Variants in GUCA1A observed in about 807,000 individuals in gnomAD.
The protein encoded by GUCA1A is guanylate cyclase activator 1A.
In GUCA1A, 14 loss-of-function variants were observed where a neutral mutation model predicts 18.5. That is an observed-to-expected ratio of 0.76 (90% CI 0.50 to 1.18). The LOEUF (loss-of-function observed/expected upper bound fraction) is 1.18, where lower values mean the gene tolerates loss of function less well. GUCA1A is among the 50% of genes most tolerant of loss of function. The probability of loss-of-function intolerance (pLI) is 0.00; values close to 1 mark genes in which losing one functional copy is unlikely to be tolerated. For synonymous variants in GUCA1A, 97 were observed against 100.2 expected, an observed-to-expected ratio of 0.97 and a Z score of 0.19; for missense variants, 264 against 262.4, an observed-to-expected ratio of 1.01 and a Z score of -0.04.
Position 42,179,336 on chromosome 6 carries a change from T to G in GUCA1A, c.539T>G (p.Val180Gly). 1 of 1,613,746 alleles carries G rather than the reference T, an allele frequency of 6.2e-7. No homozygotes were observed. The highest frequency in any genetic ancestry group is 8.5e-7 in the Non-Finnish European group (1 of 1,179,760). ...LTRSLDLTRI[V>G]RRLQNGEQDE... ...CGAAGCCTGGACCTTACCCGCATCGTGCGCAGGCTCCAGAATGGCGAGCAA... is the reference window on the plus strand; with the variant it reads ...CGAAGCCTGGACCTTACCCGCATCGGGCGCAGGCTCCAGAATGGCGAGCAA... Residue 180 changes from valine (V) to glycine (G), a missense_variant, in exon 4 of 4, where the codon GTG (valine) becomes GGG (glycine). Val to Gly is a moderately radical substitution (Grantham distance 109). Coordinates refer to ENST00000372958, the MANE Select transcript of GUCA1A (RefSeq NM_001384910.1).
intron 1 of GUCA1A, 34 bp from the exon 2 acceptor site, chr6:42,178,246 G>A (rs372354947): frequency 5.6e-6 from 9 of 1,612,092 alleles, no homozygotes; most frequent in African/African-American, 5.3e-5. Context: ...AGCGGGGCCC[G>A]GATGGGCTCA....
At chr6:42,177,922 C>G (rs915068069) in intron 1 of GUCA1A, among the ~76,000 whole-genome samples, 2 of 152,242 alleles carry the variant, frequency 1.3e-5, no homozygotes, top group Non-Finnish European at 2.9e-5. Flanking sequence ...TCCCATTTCC[C>G]CTAACTGGAA....
rs368211518 is a variant in GUCA1A at position 42,176,016 on chromosome 6, G to C, written c.201+2202G>C. Among the ~76,000 whole-genome samples, 8 of 152,208 alleles carry C rather than the reference G, an allele frequency of 5.3e-5. No individual in the cohort carries two copies. The East Asian group carries it at 1.4e-3, about 26-fold the overall frequency. On this transcript the variant is annotated intron_variant, in intron 1 of 3. Transcript: ENST00000372958. Reference sequence around the variant, plus strand: ...AAGCACCTGTCGTCTTCCAATACCAGATTTAAATAACATTTCACCATTACG... The same window carrying C: ...AAGCACCTGTCGTCTTCCAATACCACATTTAAATAACATTTCACCATTACG...
intron 1 of GUCA1A, 87 bp downstream of exon 1, chr6:42,173,901 AG>A: frequency 2.0e-6 from 2 of 1,001,696 alleles, no homozygotes; most frequent in Non-Finnish European, 1.6e-6. Context: ...AAGAGCAGAG[AG>A]GAGCATAGAA....
intron 1 of GUCA1A, among the ~76,000 whole-genome samples, chr6:42,176,017 AT>A (rs1490503015): frequency 6.6e-6 from 1 of 152,106 alleles, no homozygotes. Context: ...CCAATACCAG[AT>A]TTAAATAACA....
rs200530963 is a variant in GUCA1A at position 42,178,750 on chromosome 6, G to C, written c.352-52G>C. On this transcript the variant is annotated intron_variant, in intron 2 of 3. Coordinates refer to ENST00000372958, the MANE Select transcript of GUCA1A (RefSeq NM_001384910.1). ...TCTGACCGTCCCCAATCCTACCCCTGAGATAGGATAAGGATGGGCCCCTCT... is the reference window on the plus strand; with the variant it reads ...TCTGACCGTCCCCAATCCTACCCCTCAGATAGGATAAGGATGGGCCCCTCT... The C allele has an allele frequency of 3.6e-5, 50 of 1,377,644 alleles. No homozygotes were observed. The East Asian group carries it at 9.4e-4, about 26-fold the overall frequency. 85.3% of individuals were successfully genotyped at this position (1,377,644 alleles called of 1,614,324 possible). A position where few individuals can be genotyped will look rare whatever the true frequency, so the allele number is the denominator to read the frequency against.
chr6:42,174,669 C>T (rs757035274), intron 1 of GUCA1A, among the ~76,000 whole-genome samples: 1 of 152,162 alleles, frequency 6.6e-6, no homozygotes, highest in Non-Finnish European at 1.5e-5. Context: ...TTCATGATGC[C>T]GTGGATGTTG....
intron 3 of GUCA1A, 23 bp from the exon 4 acceptor site, chr6:42,179,220 G>GGGGA: frequency 1.9e-6 from 3 of 1,610,472 alleles, no homozygotes; most frequent in Non-Finnish European, 2.5e-6. Context: ...TCCTCCCCCT[G>GGGGA]ATTCCCTTTC....
At position 42,178,264 on chromosome 6, in the gene GUCA1A, C is replaced by G. The variant is rs114521772; in HGVS notation, c.202-16C>G. Reference sequence around the variant, plus strand: ...GGGGCCCGGATGGGCTCACGGCGGCCGCGCCCCTCGCCCAGGACGGCTACA... The same window carrying G: ...GGGGCCCGGATGGGCTCACGGCGGCGGCGCCCCTCGCCCAGGACGGCTACA... On this transcript the variant is annotated splice_polypyrimidine_tract_variant and intron_variant, in intron 1 of 3. Coordinates refer to ENST00000372958, the MANE Select transcript of GUCA1A (RefSeq NM_001384910.1). 6.2e-7 allele frequency: 1 copy of G among 1,612,818 alleles called. No homozygotes were observed. Among genetic ancestry groups the G allele is most frequent in the Admixed American group, 1.7e-5 (1 of 60,022 alleles).
At chr6:42,176,288 C>T (rs2113835785) in intron 1 of GUCA1A, among the ~76,000 whole-genome samples, 1 of 150,686 alleles carries the variant, frequency 6.6e-6, no homozygotes, top group Non-Finnish European at 1.5e-5. Context: ...CCCAACCTGC[C>T]TCATCTACAC....
intron 1 of GUCA1A, among the ~76,000 whole-genome samples, chr6:42,176,772 C>G (rs1441913681): frequency 6.6e-6 from 1 of 152,166 alleles, no homozygotes; most frequent in South Asian, 2.1e-4. Flanking sequence ...CAGGGACAGG[C>G]AAATGACAGC....
At position 42,179,507 on chromosome 6, in the gene GUCA1A, G is replaced by C; in HGVS notation, c.*104G>C. 1 of 990,508 alleles carries C rather than the reference G, an allele frequency of 1.0e-6. No individual in the cohort carries two copies. Among genetic ancestry groups the C allele is most frequent in the African/African-American group, 1.6e-5 (1 of 61,534 alleles). 61.4% of individuals were successfully genotyped at this position (990,508 alleles called of 1,614,324 possible). ...TAGATAGAATCTAATGAACTCAGAG[G>C]CTTAGCTCGCCTCTTTAGGGTCCAT... On this transcript the variant is annotated 3_prime_UTR_variant, in exon 4 of 4. Coordinates refer to ENST00000372958, the MANE Select transcript of GUCA1A (RefSeq NM_001384910.1).
chr6:42,173,432 C>A lies in GUCA1A; in HGVS notation c.-182C>A. The A allele has an allele frequency of 1.5e-6, 1 of 645,800 alleles. No individual in the cohort carries two copies. The allele number at this position is 645,800 out of a possible 1,614,324, so 40.0% of individuals were successfully genotyped here. On this transcript the variant is annotated 5_prime_UTR_variant, in exon 1 of 4. It adds an upstream start codon to the 5' untranslated region. Coordinates refer to ENST00000372958, the MANE Select transcript of GUCA1A (RefSeq NM_001384910.1). The stretch of plus-strand genomic sequence containing the variant: ...AGTGTGGGCCATCATCTTCTTCCTT[C>A]TGCTCTCTCCCTCTCCACATTTCCC...
chr6:42,178,936 C>A lies in GUCA1A; in HGVS notation c.445+41C>A, dbSNP rs374953002. On this transcript the variant is annotated intron_variant, in intron 3 of 3. Coordinates refer to ENST00000372958, the MANE Select transcript of GUCA1A (RefSeq NM_001384910.1). ...AGGGGCTCCCCAGCGGAGGGGTCAC[C>A]ATGGATGTGGGGTCACCAGGGGTGG... The A allele has an allele frequency of 2.1e-5, 30 of 1,451,322 alleles. No individual in the cohort carries two copies. The African/African-American group carries it at 4.0e-4, about 20-fold the overall frequency. The allele number at this position is 1,451,322 out of a possible 1,614,324, so 89.9% of individuals were successfully genotyped here. A position where few individuals can be genotyped will look rare whatever the true frequency, so the allele number is the denominator to read the frequency against.
At chr6:42,178,223 T>TGAGGCTGGAGTGAGCGGGGCCC (rs1178223000) in intron 1 of GUCA1A, 57 bp from the exon 2 acceptor site, 2 of 1,601,602 alleles carry the variant, frequency 1.2e-6, no homozygotes, top group Admixed American at 1.7e-5. Context: ...GGGCGGGGCC[T>TGAGGCTGGAGTGAGCGGGGCCC]GAGGCTGGAG....
At position 42,173,545 on chromosome 6, in the gene GUCA1A, C is replaced by A; in HGVS notation, c.-69C>A. The stretch of plus-strand genomic sequence containing the variant: ...AGGACGGCCCCGTTGTCGGCCAAGA[C>A]ACCTTTGGGCGAGGAGCAGCGAACA... On this transcript the variant is annotated 5_prime_UTR_variant, in exon 1 of 4. Transcript: ENST00000372958. 2 of 1,324,028 alleles carry A rather than the reference C, an allele frequency of 1.5e-6. No homozygotes were observed. Among genetic ancestry groups the A allele is most frequent in the South Asian group, 1.2e-5 (1 of 85,256 alleles). The allele number at this position is 1,324,028 out of a possible 1,614,324, so 82.0% of individuals were successfully genotyped here. A position where few individuals can be genotyped will look rare whatever the true frequency, so the allele number is the denominator to read the frequency against.
intron 3 of GUCA1A, 25 bp downstream of exon 3, chr6:42,178,920 C>T (rs1467855457): frequency 1.3e-6 from 2 of 1,537,912 alleles, no homozygotes; most frequent in Non-Finnish European, 1.8e-6. Flanking sequence ...GAGGGGCTCC[C>T]CAGCGGAGGG....
intron 1 of GUCA1A, among the ~76,000 whole-genome samples, chr6:42,174,612 C>T (rs920908722): frequency 1.3e-5 from 2 of 152,148 alleles, no homozygotes; most frequent in Non-Finnish European, 2.9e-5. Flanking sequence ...AGCTTTCATC[C>T]GCTGGGTGAC....
rs748181296 is a variant in GUCA1A at position 42,173,850 on chromosome 6, TGGAGGG to T, written c.201+37_201+42del. 8 of 1,513,312 alleles carry T rather than the reference TGGAGGG, an allele frequency of 5.3e-6. No individual in the cohort carries two copies. In the South Asian group the frequency reaches 9.0e-5, roughly 17 times the overall value. The allele number at this position is 1,513,312 out of a possible 1,614,324, so 93.7% of individuals were successfully genotyped here. ...GCCCAGTGGCAGGGAGGGGAAGTGC[TGGAGGG>T]ACCCCTCTGGAAGCCTGACCAGCTG... On this transcript the variant is annotated intron_variant, in intron 1 of 3. Coordinates refer to ENST00000372958, the MANE Select transcript of GUCA1A (RefSeq NM_001384910.1).
Sources: allele counts gnomAD v4.1 joint callset (sites outside exome capture counted in the v4.1 genomes callset), GRCh38; gene constraint gnomAD v4.1.1; transcripts MANE v1.5; gene names NCBI Gene and HGNC (gene_info 2026-07-23, HGNC 2026-07-21).